WWOX: variants seen among roughly 807,000 people sequenced by gnomAD.
WWOX encodes WW domain containing oxidoreductase.
WWOX carries 69 observed loss-of-function variants against 46.2 expected under a neutral mutation model. The observed-to-expected ratio is 1.49, with a 90% CI of 1.23 to 1.82. WWOX has a LOEUF of 1.82. Among genes scored for constraint, WWOX ranks in the 40% most tolerant of loss-of-function variants. The pLI, the probability that WWOX is intolerant of heterozygous loss-of-function variation, is 0.00. For synonymous variants in WWOX, 359 were observed against 202.6 expected, an observed-to-expected ratio of 1.77 and a Z score of -6.56; for missense variants, 919 against 542.6, an observed-to-expected ratio of 1.69 and a Z score of -6.89.
intron 8 of WWOX, among the ~76,000 whole-genome samples, chr16:78,894,211 C>G (rs953071350): frequency 6.6e-6 from 1 of 151,902 alleles, no homozygotes; most frequent in Non-Finnish European, 1.5e-5. Flanking sequence ...TGTTAATGTT[C>G]ACTTTTATTT....
chr16:78,420,558 G>A lies in WWOX; in HGVS notation c.606-4312G>A, dbSNP rs566913134. On this transcript the variant is annotated intron_variant, in intron 6 of 8. Transcript: ENST00000566780. ...TATGGTTCCATTTAGTATATAAAAT[G>A]TCCGGAATAGGCGAATCTATAGGAC... is the stretch of plus-strand genomic sequence containing the variant. Among the ~76,000 whole-genome samples the A allele has an allele frequency of 8.6e-5, 13 of 151,958 alleles. No homozygotes were observed. The East Asian group carries it at 2.1e-3, about 25-fold the overall frequency.
chr16:78,478,941 C>A (rs2084421406), intron 8 of WWOX, among the ~76,000 whole-genome samples: 3 of 152,132 alleles, frequency 2.0e-5, no homozygotes, highest in Non-Finnish European at 2.9e-5. Flanking sequence ...TCCATCATGG[C>A]CCCTTTTCTC....
intron 8 of WWOX, among the ~76,000 whole-genome samples, chr16:79,019,194 A>G (rs867553857): frequency 6.6e-6 from 1 of 151,306 alleles, no homozygotes; most frequent in Non-Finnish European, 1.5e-5. Flanking sequence ...AAGAAAAAAA[A>G]AAGTTGGAAT....
intron 8 of WWOX, among the ~76,000 whole-genome samples, chr16:78,718,937 C>G (rs1406056577): frequency 2.6e-5 from 4 of 151,984 alleles, no homozygotes; most frequent in African/African-American, 7.2e-5. Context: ...ATCTGGGGCT[C>G]TCTTGAAATA....
intron 8 of WWOX, among the ~76,000 whole-genome samples, chr16:78,444,789 C>A (rs922563872): frequency 2.0e-5 from 3 of 152,116 alleles, no homozygotes; most frequent in East Asian, 3.9e-4. Context: ...CTCGGCCTCC[C>A]AAAGTGCTGG....
chr16:78,839,347 A>G lies in WWOX; in HGVS notation c.1057-372261A>G, dbSNP rs146504682. On this transcript the variant is annotated intron_variant, in intron 8 of 8. Coordinates refer to ENST00000566780, the MANE Select transcript of WWOX (RefSeq NM_016373.4). ...ACATCTAACTATCCCCTGGCTTGGT[A>G]ATATCCAACCTTTTCATGTCCTCAG... Among the ~76,000 whole-genome samples the G allele has an allele frequency of 2.8e-4, 43 of 152,274 alleles. 1 individual carries two copies. The highest frequency in any genetic ancestry group is 1.0e-3 in the African/African-American group (43 of 41,558).
chr16:78,400,887 G>A (rs547659713), intron 6 of WWOX, among the ~76,000 whole-genome samples: 1 of 152,312 alleles, frequency 6.6e-6, no homozygotes, highest in South Asian at 2.1e-4. Context: ...GCAGTGGCAC[G>A]ATCACAGCTC....
At chr16:78,757,254 T>G (rs2049674215) in intron 8 of WWOX, among the ~76,000 whole-genome samples, 1 of 152,218 alleles carries the variant, frequency 6.6e-6, no homozygotes, top group Admixed American at 6.5e-5. Context: ...AACTGCCCAT[T>G]CAAAGAGTCT....
At chr16:78,959,446 C>G (rs745377257) in intron 8 of WWOX, among the ~76,000 whole-genome samples, 2 of 152,174 alleles carry the variant, frequency 1.3e-5, no homozygotes, top group African/African-American at 2.4e-5. Flanking sequence ...CAAGCTAATT[C>G]AGGTATGATA....
intron 4 of WWOX, among the ~76,000 whole-genome samples, chr16:78,156,332 A>G (rs1464594712): frequency 6.6e-6 from 1 of 152,166 alleles, no homozygotes; most frequent in African/African-American, 2.4e-5. Context: ...TGATAGAAAA[A>G]CGGCGTGCTT....
chr16:78,449,846 T>C (rs1285953711), intron 8 of WWOX, among the ~76,000 whole-genome samples: 2 of 152,108 alleles, frequency 1.3e-5, no homozygotes, highest in African/African-American at 4.8e-5. Flanking sequence ...TCAAGAAATG[T>C]GTATTGCAGA....
intron 8 of WWOX, among the ~76,000 whole-genome samples, chr16:78,992,564 G>C (rs903026961): frequency 6.6e-6 from 1 of 152,184 alleles, no homozygotes; most frequent in Non-Finnish European, 1.5e-5. Context: ...GAGCGTCTGC[G>C]TAGGTTTTTA....
intron 8 of WWOX, among the ~76,000 whole-genome samples, chr16:78,936,236 G>T (rs532307016): frequency 2.3e-4 from 35 of 152,244 alleles, no homozygotes; most frequent in African/African-American, 8.4e-4. Flanking sequence ...GGTATTTGCT[G>T]TGTATGCCCT....
At chr16:78,357,577 C>T (rs2081323888) in intron 5 of WWOX, among the ~76,000 whole-genome samples, 1 of 152,134 alleles carries the variant, frequency 6.6e-6, no homozygotes, top group South Asian at 2.1e-4. Flanking sequence ...TGGTCTGGGA[C>T]ACATTTGTGG....
chr16:79,089,080 C>A (rs2048905329), intron 8 of WWOX, among the ~76,000 whole-genome samples: 1 of 152,208 alleles, frequency 6.6e-6, no homozygotes, highest in East Asian at 1.9e-4. Flanking sequence ...GCAGTTAATA[C>A]AGTTCGTGTG....
intron 8 of WWOX, among the ~76,000 whole-genome samples, chr16:78,436,474 G>A (rs1451907848): frequency 1.3e-5 from 2 of 152,142 alleles, no homozygotes; most frequent in African/African-American, 4.8e-5. Context: ...TGAAGATGAC[G>A]AAGACTGTGG....
At chr16:78,327,007 T>C (rs933863336) in intron 5 of WWOX, among the ~76,000 whole-genome samples, 1 of 152,076 alleles carries the variant, frequency 6.6e-6, no homozygotes, top group Admixed American at 6.6e-5. Flanking sequence ...ATCAATACCA[T>C]CAATTAATAG....
intron 4 of WWOX, among the ~76,000 whole-genome samples, chr16:78,143,157 T>C (rs1273351959): frequency 1.3e-5 from 2 of 152,250 alleles, no homozygotes; most frequent in Non-Finnish European, 2.9e-5. Flanking sequence ...TTGATGCATA[T>C]TGAATACTTA....
intron 5 of WWOX, among the ~76,000 whole-genome samples, chr16:78,240,522 C>G (rs911652491): frequency 6.6e-6 from 1 of 152,158 alleles, no homozygotes; most frequent in African/African-American, 2.4e-5. Context: ...TTTCAGACTT[C>G]TGGTCTCCTG....
Sources: gnomAD v4.1 joint callset for allele counts (sites outside exome capture counted in the v4.1 genomes callset) on GRCh38, gnomAD v4.1.1 for gene constraint, MANE v1.5 for transcripts, NCBI Gene and HGNC (gene_info 2026-07-23, HGNC 2026-07-21) for gene names.